The following SRPK2 variants were observed in gnomAD, a reference collection of about 807,000 sequenced individuals.
The protein encoded by SRPK2 is SFRS protein kinase 2.
In SRPK2, 21 loss-of-function variants were observed where a neutral mutation model predicts 90.8. The ratio of observed to expected loss-of-function variants is 0.23; its 90% CI spans 0.16 to 0.33. The LOEUF (loss-of-function observed/expected upper bound fraction) is 0.33. Ranked by LOEUF, SRPK2 falls within the 10% of genes least tolerant of loss-of-function variation. The pLI, the probability that SRPK2 is intolerant of heterozygous loss-of-function variation, is 1.00. For synonymous variants in SRPK2, 288 were observed against 311.1 expected (o/e 0.93, Z 0.78); for missense variants, 620 against 869.0 (o/e 0.71, Z 3.60).
At chr7:105,324,176 T>G (rs1199162904) in intron 2 of SRPK2, among the ~76,000 whole-genome samples, 1 of 151,780 alleles carries the variant, frequency 6.6e-6, no homozygotes, top group Non-Finnish European at 1.5e-5. Flanking sequence ...ATATATATTT[T>G]TTTTGTATTT....
chr7:105,139,228 G>A (rs957170720), intron 11 of SRPK2, among the ~76,000 whole-genome samples: 5 of 152,128 alleles, frequency 3.3e-5, no homozygotes, highest in African/African-American at 1.2e-4. Flanking sequence ...CACCATGGAA[G>A]GGCATGCTGA....
intron 3 of SRPK2, among the ~76,000 whole-genome samples, chr7:105,188,683 C>T (rs571277627): frequency 2.0e-5 from 3 of 152,082 alleles, no homozygotes; most frequent in Admixed American, 6.5e-5. Context: ...CTACTGAATC[C>T]AGAACATCAA....
intron 2 of SRPK2, among the ~76,000 whole-genome samples, chr7:105,237,256 C>A (rs1343139448): frequency 1.3e-5 from 2 of 152,184 alleles, no homozygotes; most frequent in Non-Finnish European, 1.5e-5. Context: ...AAGGAAAAAT[C>A]AGAATAGAAA....
intron 2 of SRPK2, among the ~76,000 whole-genome samples, chr7:105,367,297 C>CT (rs2132376519): frequency 6.6e-6 from 1 of 152,162 alleles, no homozygotes; most frequent in African/African-American, 2.4e-5. Flanking sequence ...GGTTCCGGCT[C>CT]TGTCACCCAG....
rs546101986 is a variant in SRPK2 at position 105,117,739 on chromosome 7, C to T, written c.*99G>A. 1.5e-6 allele frequency: 2 copies of T among 1,339,690 alleles called. No homozygotes were observed. Among genetic ancestry groups the T allele is most frequent in the Non-Finnish European group, 1.0e-6 (1 of 962,760 alleles). 83.0% of individuals were successfully genotyped at this position (1,339,690 alleles called of 1,614,324 possible). A position where few individuals can be genotyped will look rare whatever the true frequency, so the allele number is the denominator to read the frequency against. ...GCAAAATAAAGGTCTGAGGATGAAG[C>T]CAGCTCACTTGTAATCCTGTTAAAG... is the stretch of plus-strand genomic sequence containing the variant. On this transcript the variant is annotated 3_prime_UTR_variant, in exon 16 of 16. Coordinates refer to ENST00000393651, the MANE Select transcript of SRPK2 (RefSeq NM_182692.3).
At chr7:105,277,204 G>A (rs948684781) in intron 2 of SRPK2, among the ~76,000 whole-genome samples, 7 of 152,040 alleles carry the variant, frequency 4.6e-5, no homozygotes, top group Admixed American at 1.3e-4. Context: ...AGCCTCCCGA[G>A]TAGCTGGGAC....
intron 2 of SRPK2, among the ~76,000 whole-genome samples, chr7:105,273,084 A>G (rs1473797965): frequency 1.3e-5 from 2 of 151,944 alleles, no homozygotes; most frequent in African/African-American, 4.8e-5. Flanking sequence ...GCGTGGTGGC[A>G]GGCGCCTGTA....
chr7:105,395,533 C>T (rs1186642813), intron 1 of SRPK2, among the ~76,000 whole-genome samples: 1 of 152,016 alleles, frequency 6.6e-6, no homozygotes, highest in Non-Finnish European at 1.5e-5. Flanking sequence ...AGTTCCAGAT[C>T]AGCCCGGACA....
chr7:105,321,698 C>G (rs1812959686), intron 2 of SRPK2, among the ~76,000 whole-genome samples: 1 of 152,044 alleles, frequency 6.6e-6, no homozygotes, highest in Non-Finnish European at 1.5e-5. Context: ...TGAAAAGATG[C>G]TCAACATCAT....
At chr7:105,346,824 T>C (rs1816512719) in intron 2 of SRPK2, among the ~76,000 whole-genome samples, 1 of 147,622 alleles carries the variant, frequency 6.8e-6, no homozygotes, top group Non-Finnish European at 1.5e-5. Flanking sequence ...TAGTTACTGA[T>C]GGAGCTTCCA....
chr7:105,274,282 C>T (rs1806197936), intron 2 of SRPK2, among the ~76,000 whole-genome samples: 1 of 152,132 alleles, frequency 6.6e-6, no homozygotes, highest in African/African-American at 2.4e-5. Context: ...GAACTGAAGG[C>T]CAGGCACAGT....
chr7:105,167,408 G>A lies in SRPK2; in HGVS notation c.483C>T (p.Asp161=), dbSNP rs201263517. The change falls in exon 6 of 16, where the codon GAC becomes GAT. Residue 161 remains aspartate (D), a synonymous_variant. Coordinates refer to ENST00000393651, the MANE Select transcript of SRPK2 (RefSeq NM_182692.3). ...CATTCATGCCTGAAATCTTGAAGTC[G>A]TCAATGAGCTGGACCACCATGTCTT... ...PNKDMVVQLI[D]DFKISGMNGI... 8.1e-6 allele frequency: 13 copies of A among 1,613,636 alleles called. 1 individual carries two copies. In the East Asian group the frequency reaches 2.0e-4, roughly 25 times the overall value.
At chr7:105,231,463 T>C (rs1372165428) in intron 2 of SRPK2, among the ~76,000 whole-genome samples, 2 of 152,218 alleles carry the variant, frequency 1.3e-5, no homozygotes, top group African/African-American at 4.8e-5. Flanking sequence ...ATGGTAGTTC[T>C]GTTTTTAGCT....
chr7:105,261,875 A>C (rs1804340848), intron 2 of SRPK2, among the ~76,000 whole-genome samples: 2 of 152,184 alleles, frequency 1.3e-5, no homozygotes, highest in Admixed American at 1.3e-4. Context: ...AATTTGATAC[A>C]GGCAGAGCTT....
intron 2 of SRPK2, among the ~76,000 whole-genome samples, chr7:105,243,115 C>T (rs1463395485): frequency 6.6e-6 from 1 of 152,142 alleles, no homozygotes; most frequent in Non-Finnish European, 1.5e-5. Context: ...GATCCTCTCA[C>T]CTCAGCCTCC....
At chr7:105,381,383 T>A (rs1034139960) in intron 2 of SRPK2, among the ~76,000 whole-genome samples, 5 of 152,200 alleles carry the variant, frequency 3.3e-5, no homozygotes, top group African/African-American at 9.6e-5. Context: ...GAGACCAGCC[T>A]GGCCAATATG....
intron 2 of SRPK2, among the ~76,000 whole-genome samples, chr7:105,302,744 T>C (rs1810699166): frequency 6.6e-6 from 1 of 152,080 alleles, no homozygotes; most frequent in South Asian, 2.1e-4. Context: ...AACAGGAGAA[T>C]ATAAAAACAA....
chr7:105,172,535 AG>A (rs1791287659), intron 3 of SRPK2, among the ~76,000 whole-genome samples: 1 of 152,230 alleles, frequency 6.6e-6, no homozygotes, highest in South Asian at 2.1e-4. Flanking sequence ...TCAGAGACCT[AG>A]TTACATTTTA....
intron 2 of SRPK2, among the ~76,000 whole-genome samples, chr7:105,255,734 C>T (rs1165190308): frequency 6.6e-6 from 1 of 152,102 alleles, no homozygotes; most frequent in Non-Finnish European, 1.5e-5. Context: ...GAGTTCAAGA[C>T]CAGCCTGGCC....
Sources: allele counts gnomAD v4.1 joint callset (sites outside exome capture counted in the v4.1 genomes callset), GRCh38; gene constraint gnomAD v4.1.1; transcripts MANE v1.5; gene names NCBI Gene and HGNC (gene_info 2026-07-23, HGNC 2026-07-21).